GRIN2A: variants seen among roughly 807,000 people sequenced by gnomAD.
GRIN2A encodes the protein glutamate ionotropic receptor NMDA type subunit 2A.
In GRIN2A, 22 loss-of-function variants were observed where a neutral mutation model predicts 113.4. The observed-to-expected ratio is 0.19, with a 90% CI of 0.14 to 0.28. GRIN2A has a LOEUF of 0.28. Among genes scored for constraint, GRIN2A ranks in the 10% least tolerant of loss-of-function variants. GRIN2A has a pLI of 1.00. For missense variants in GRIN2A, 1,502 were observed against 1,887.0 expected (o/e 0.80, Z 3.78); for synonymous variants, 827 against 738.4 (o/e 1.12, Z -1.94).
At chr16:9,799,389 C>G (rs1903218527) in intron 10 of GRIN2A, among the ~76,000 whole-genome samples, 1 of 152,202 alleles carries the variant, frequency 6.6e-6, no homozygotes, top group Non-Finnish European at 1.5e-5. Flanking sequence ...AGGCCTGGAA[C>G]AGATCCCTCC....
At chr16:10,100,851 T>C (rs2048381330) in intron 2 of GRIN2A, among the ~76,000 whole-genome samples, 1 of 152,202 alleles carries the variant, frequency 6.6e-6, no homozygotes, top group Non-Finnish European at 1.5e-5. Flanking sequence ...CCCTAACCAC[T>C]GGAGTTAATC....
At chr16:9,930,070 C>T (rs542443944) in intron 3 of GRIN2A, among the ~76,000 whole-genome samples, 1 of 152,210 alleles carries the variant, frequency 6.6e-6, no homozygotes, top group Admixed American at 6.5e-5. Context: ...GGCTGTGTTC[C>T]AGGAGAGATG....
intron 2 of GRIN2A, among the ~76,000 whole-genome samples, chr16:10,119,930 T>C (rs1172822192): frequency 6.6e-6 from 1 of 152,232 alleles, no homozygotes; most frequent in African/African-American, 2.4e-5. Context: ...TTTTTATGGC[T>C]ATGTAGTACT....
chr16:10,176,252 G>T (rs534365128), intron 2 of GRIN2A, among the ~76,000 whole-genome samples: 2 of 152,044 alleles, frequency 1.3e-5, no homozygotes, highest in South Asian at 2.1e-4. Context: ...TGATCCACCC[G>T]CCTTGGCCTC....
intron 4 of GRIN2A, among the ~76,000 whole-genome samples, chr16:9,867,218 C>G (rs1220326808): frequency 6.6e-6 from 1 of 152,162 alleles, no homozygotes; most frequent in African/African-American, 2.4e-5. Flanking sequence ...TGGAGAATAT[C>G]ATATAACCAC....
rs199621195 is a variant in GRIN2A at position 9,840,902 on chromosome 16, G to A, written c.1497+34C>T. Reference sequence around the variant, plus strand: ...CCTGAGGACTGCAGGCCCTTTGTCTGAGTAAGAGCCTAGGGGATGAAAAGA... The same window carrying A: ...CCTGAGGACTGCAGGCCCTTTGTCTAAGTAAGAGCCTAGGGGATGAAAAGA... On this transcript the variant is annotated intron_variant, in intron 6 of 12. Coordinates refer to ENST00000330684, the MANE Select transcript of GRIN2A (RefSeq NM_001134407.3). The A allele has an allele frequency of 2.4e-5, 38 of 1,610,660 alleles. No individual in the cohort carries two copies. In the East Asian group the frequency reaches 7.6e-4, roughly 32 times the overall value.
At chr16:9,909,052 G>C (rs1395087239) in intron 3 of GRIN2A, among the ~76,000 whole-genome samples, 1 of 152,178 alleles carries the variant, frequency 6.6e-6, no homozygotes, top group Non-Finnish European at 1.5e-5. Flanking sequence ...GAACTGGGAA[G>C]AAAAAGAGGT....
At chr16:9,777,547 G>A (rs1256334373) in intron 11 of GRIN2A, among the ~76,000 whole-genome samples, 5 of 152,136 alleles carry the variant, frequency 3.3e-5, no homozygotes, top group Admixed American at 3.3e-4. Context: ...ATAAAAATAG[G>A]GCTAGGCTTA....
At chr16:10,034,078 C>T (rs1190213502) in intron 2 of GRIN2A, among the ~76,000 whole-genome samples, 1 of 152,186 alleles carries the variant, frequency 6.6e-6, no homozygotes, top group Non-Finnish European at 1.5e-5. Flanking sequence ...AGATTAATGC[C>T]TTCCTGATGC....
chr16:9,952,837 T>A, intron 2 of GRIN2A, among the ~76,000 whole-genome samples: 1 of 147,792 alleles, frequency 6.8e-6, no homozygotes. Context: ...AACAAGAAAG[T>A]GAGAGAAAAA....
At chr16:10,148,032 T>A (rs2049482049) in intron 2 of GRIN2A, among the ~76,000 whole-genome samples, 1 of 152,204 alleles carries the variant, frequency 6.6e-6, no homozygotes, top group African/African-American at 2.4e-5. Flanking sequence ...CTTCCTGAGC[T>A]TCCCACTGCC....
At position 9,763,192 on chromosome 16, in the gene GRIN2A, C is replaced by A. The variant is rs889055328; in HGVS notation, c.4352G>T (p.Arg1451Ile). The change falls in exon 13 of 13, where the codon AGA becomes ATA. Residue 1451 changes from arginine (R) to isoleucine (I), a missense_variant. Transcript: ENST00000330684. Reference sequence around the variant, plus strand: ...ACTAGGCATTTTCTTGTACACGCGTCTATTGCTGCAGGAATTTAAAACCCT... The same window carrying A: ...ACTAGGCATTTTCTTGTACACGCGTATATTGCTGCAGGAATTTAAAACCCT... ...TPRVLNSCSN[R>I]RVYKKMPSIE... 1 of 1,613,860 alleles carries A rather than the reference C, an allele frequency of 6.2e-7. No individual in the cohort carries two copies. Among genetic ancestry groups the A allele is most frequent in the Non-Finnish European group, 8.5e-7 (1 of 1,179,856 alleles).
At chr16:10,154,457 C>T (rs75115663) in intron 2 of GRIN2A, among the ~76,000 whole-genome samples, 24 of 152,184 alleles carry the variant, frequency 1.6e-4, no homozygotes, top group Non-Finnish European at 2.6e-4. Context: ...ATATATTTAC[C>T]GTGTTTATAT....
At chr16:10,150,672 C>G (rs1254123295) in intron 2 of GRIN2A, among the ~76,000 whole-genome samples, 1 of 147,792 alleles carries the variant, frequency 6.8e-6, no homozygotes, top group Non-Finnish European at 1.5e-5. Flanking sequence ...TGCCTATACT[C>G]CACACGGCTC....
chr16:9,802,693 A>G (rs1903437919), intron 10 of GRIN2A, among the ~76,000 whole-genome samples: 1 of 152,176 alleles, frequency 6.6e-6, no homozygotes, highest in Non-Finnish European at 1.5e-5. Flanking sequence ...CAGACTTTAT[A>G]TTATAAAACC....
intron 2 of GRIN2A, among the ~76,000 whole-genome samples, chr16:10,148,474 G>A (rs771014247): frequency 4.6e-5 from 7 of 152,152 alleles, no homozygotes; most frequent in Non-Finnish European, 7.3e-5. Flanking sequence ...GCCGACAGCT[G>A]CACCCACAAC....
chr16:9,797,425 C>A (rs1284020009), intron 11 of GRIN2A, among the ~76,000 whole-genome samples: 2 of 152,216 alleles, frequency 1.3e-5, no homozygotes, highest in Non-Finnish European at 2.9e-5. Context: ...ATAGTGAGAT[C>A]ACCAGCTATG....
At chr16:9,941,652 A>G (rs536193630) in intron 2 of GRIN2A, among the ~76,000 whole-genome samples, 4 of 152,290 alleles carry the variant, frequency 2.6e-5, no homozygotes, top group African/African-American at 9.6e-5. Flanking sequence ...TCCAATCCTC[A>G]TTATGTGGCC....
At chr16:9,996,253 C>T (rs1244346857) in intron 2 of GRIN2A, among the ~76,000 whole-genome samples, 1 of 152,108 alleles carries the variant, frequency 6.6e-6, no homozygotes, top group Non-Finnish European at 1.5e-5. Context: ...ACAATTACCC[C>T]AACCTGCATC....
Sources: allele counts gnomAD v4.1 joint callset (sites outside exome capture counted in the v4.1 genomes callset), GRCh38; gene constraint gnomAD v4.1.1; transcripts MANE v1.5; gene names NCBI Gene and HGNC (gene_info 2026-07-23, HGNC 2026-07-21).